OTOGL: variants seen among roughly 807,000 people sequenced by gnomAD.
OTOGL encodes otogelin like, also known as otogelin-like protein.
In OTOGL, 285 loss-of-function variants were observed where a neutral mutation model predicts 318.5. The ratio of observed to expected loss-of-function variants is 0.89; its 90% confidence interval spans 0.81 to 0.99. OTOGL has a LOEUF of 0.99. Ranked by LOEUF, OTOGL falls within the 50% of genes least tolerant of loss-of-function variation. The probability of loss-of-function intolerance (pLI) is 0.00; values close to 1 mark genes in which losing one functional copy is unlikely to be tolerated. For synonymous variants in OTOGL, 987 were observed against 936.5 expected (o/e 1.05, Z -0.99); for missense variants, 2,899 against 2,845.6 (o/e 1.02, Z -0.43).
intron 1 of OTOGL, among the ~76,000 whole-genome samples, chr12:80,188,541 A>AT (rs1565893167): frequency 1.3e-5 from 2 of 149,384 alleles, no homozygotes; most frequent in African/African-American, 4.9e-5. Context: ...CTGTCTCAAA[A>AT]AAAAAATAAT....
chr12:80,153,319 A>T (rs1872906286), intron 1 of OTOGL, among the ~76,000 whole-genome samples: 2 of 152,112 alleles, frequency 1.3e-5, no homozygotes, highest in Non-Finnish European at 1.5e-5. Context: ...TCTCTTTTAT[A>T]AGGGCATTAA....
intron 38 of OTOGL, among the ~76,000 whole-genome samples, chr12:80,333,445 T>C (rs546727159): frequency 6.6e-6 from 1 of 151,944 alleles, no homozygotes; most frequent in African/African-American, 2.4e-5. Flanking sequence ...AAGATAAAAG[T>C]CATTGTCTCC....
At chr12:80,149,801 G>A (rs891376227) in intron 1 of OTOGL, among the ~76,000 whole-genome samples, 5 of 152,222 alleles carry the variant, frequency 3.3e-5, no homozygotes, top group African/African-American at 4.8e-5. Flanking sequence ...TCGGAAAAGC[G>A]CAGTATTCGG....
At chr12:80,231,746 T>G (rs1443659144) in intron 8 of OTOGL, among the ~76,000 whole-genome samples, 1 of 151,982 alleles carries the variant, frequency 6.6e-6, no homozygotes, top group African/African-American at 2.4e-5. Context: ...GCGATTCTCC[T>G]GCCTCAGCCT....
chr12:80,356,640 C>T (rs1214837807), intron 48 of OTOGL, 120 bp downstream of exon 48: 1 of 860,258 alleles, frequency 1.2e-6, no homozygotes, highest in Non-Finnish European at 1.7e-6. Flanking sequence ...GCGGACTTGT[C>T]TTGCTAATTT....
intron 52 of OTOGL, among the ~76,000 whole-genome samples, chr12:80,363,349 A>G (rs1264585702): frequency 1.3e-5 from 2 of 152,060 alleles, no homozygotes; most frequent in African/African-American, 4.8e-5. Context: ...TTTGAGGGAG[A>G]TGTTTCTATT....
intron 1 of OTOGL, among the ~76,000 whole-genome samples, chr12:80,153,939 A>G (rs1038129653): frequency 5.3e-4 from 81 of 152,186 alleles, no homozygotes; most frequent in African/African-American, 1.9e-3. Context: ...ACCAGGCTTG[A>G]AGAATCTGTA....
Position 80,271,675 on chromosome 12 carries a change from A to G in OTOGL, c.2546A>G (p.Tyr849Cys), listed in dbSNP as rs768989614. The G allele has an allele frequency of 6.2e-7, 1 of 1,612,838 alleles. No homozygotes were observed. Among genetic ancestry groups the G allele is most frequent in the Non-Finnish European group, 8.5e-7 (1 of 1,179,368 alleles). Residue 849 changes from tyrosine to cysteine, a missense_variant, in exon 24 of 59, where the codon TAT becomes TGT. Tyr to Cys is a radical substitution (Grantham distance 194, BLOSUM62 -2). Coordinates refer to ENST00000547103, the MANE Select transcript of OTOGL (RefSeq NM_001378609.3). ...CACATCTGCCCAGAGGGAAAAGAGTATTTCGACTGCAGGTTTCCTGACCCT... is the reference window on the plus strand; with the variant it reads ...CACATCTGCCCAGAGGGAAAAGAGTGTTTCGACTGCAGGTTTCCTGACCCT... ...AVHICPEGKE[Y>C]FDCRFPDPEL...
rs368615661 is a variant in OTOGL at position 80,217,615 on chromosome 12, G to A, written c.186G>A (p.Pro62=). 41 of 1,549,180 alleles carry A rather than the reference G, an allele frequency of 2.6e-5. No individual in the cohort carries two copies. The highest frequency in any genetic ancestry group is 3.2e-5 in the Non-Finnish European group (37 of 1,144,622). The change falls in exon 5 of 59, where the codon CCG becomes CCA. Residue 62 remains proline, a synonymous_variant. Coordinates refer to ENST00000547103, the MANE Select transcript of OTOGL (RefSeq NM_001378609.3). ...LLAAQFEATS[P]RYFFHDAINW... is the part of the protein sequence containing the mutation. ...TTTCAAAGTTTGAAGCTACTTCTCC[G>A]AGATACTTTTTCCATGATGCTATTA...
At chr12:80,266,659 T>A in intron 21 of OTOGL, 43 bp downstream of exon 21, 1 of 1,554,008 alleles carries the variant, frequency 6.4e-7, no homozygotes, top group Non-Finnish European at 8.8e-7. Flanking sequence ...TTTTAATCTC[T>A]TTTTCTCCTT....
In OTOGL at chr12:80,251,751, C is replaced by A; in HGVS notation, c.1111C>A (p.His371Asn). ...CACTGAGTATGCTAGAGCCTGCTCT[C>A]ATGCTGGCTACCCTATTCAAGACTG... Reference protein sequence around the residue: ...AATEYARACSHAGYPIQDWRD... With the variant: ...AATEYARACSNAGYPIQDWRD... The change falls in exon 12 of 59, where the codon CAT becomes AAT. Residue 371 changes from histidine to asparagine, a missense_variant. This residue lies in a region of OTOGL where 2,607 missense variants were observed against 2,524.9 expected (regional missense o/e 1.03). Coordinates refer to ENST00000547103, the MANE Select transcript of OTOGL (RefSeq NM_001378609.3). 1 of 1,593,512 alleles carries A rather than the reference C, an allele frequency of 6.3e-7. No homozygotes were observed. The highest frequency in any genetic ancestry group is 2.3e-5 in the East Asian group (1 of 44,376).
In OTOGL at chr12:80,329,057, C is replaced by A; in HGVS notation, c.4286C>A (p.Pro1429His). The part of the protein sequence containing the change: ...LKCVYPRDCI[P>H]VIPTEPTLMP... ...CACCTTTGTTTCTTTGTAGGTATAC[C>A]TGTGATTCCCACAGAACCAACATTA... The change falls in exon 37 of 59, where the codon CCT becomes CAT. Residue 1429 changes from proline (P) to histidine (H), a missense_variant. By Grantham distance (77) the Pro-to-His change is moderately conservative. This residue lies in a region of OTOGL where 2,607 missense variants were observed against 2,524.9 expected (regional missense o/e 1.03). Coordinates refer to ENST00000547103, the MANE Select transcript of OTOGL (RefSeq NM_001378609.3). 6.3e-7 allele frequency: 1 copy of A among 1,581,810 alleles called. No homozygotes were observed. The highest frequency in any genetic ancestry group is 8.6e-7 in the Non-Finnish European group (1 of 1,169,442).
At chr12:80,219,793 T>C in intron 5 of OTOGL, 21 bp from the exon 6 acceptor site, 1 of 1,417,064 alleles carries the variant, frequency 7.1e-7, no homozygotes, top group Non-Finnish European at 9.7e-7. Flanking sequence ...AAGATAACTT[T>C]TTTTTTTTTT....
Position 80,356,028 on chromosome 12 carries a change from A to T in OTOGL, c.5806+80A>T. 11 of 1,413,668 alleles carry T rather than the reference A, an allele frequency of 7.8e-6. 1 individual carries two copies. In the Middle Eastern group the frequency reaches 6.2e-4, roughly 80 times the overall value. The allele number at this position is 1,413,668 out of a possible 1,614,324, so 87.6% of individuals were successfully genotyped here. ...TTTGTGAAAAAGCAGAGCATATATA[A>T]TGCTTTGTATTTTTAAAAAAGGGCC... On this transcript the variant is annotated intron_variant, in intron 47 of 58. Coordinates refer to ENST00000547103, the MANE Select transcript of OTOGL (RefSeq NM_001378609.3).
At chr12:80,236,821 TTTTTTTTG>T (rs935904948) in intron 9 of OTOGL, among the ~76,000 whole-genome samples, 2 of 148,930 alleles carry the variant, frequency 1.3e-5, no homozygotes, top group African/African-American at 4.9e-5. Context: ...CTTTTCTTTT[TTTTTTTTG>T]TTTGAGACAG....
intron 1 of OTOGL, among the ~76,000 whole-genome samples, chr12:80,186,831 T>C (rs774538981): frequency 1.3e-5 from 2 of 152,138 alleles, no homozygotes; most frequent in Non-Finnish European, 2.9e-5. Flanking sequence ...CATGGAGTGC[T>C]GCCCTCTTTT....
chr12:80,238,307 C>T (rs1327204219), intron 9 of OTOGL, among the ~76,000 whole-genome samples: 1 of 152,166 alleles, frequency 6.6e-6, no homozygotes, highest in African/African-American at 2.4e-5. Flanking sequence ...GTCTTCTCTT[C>T]TATTGATGTG....
intron 1 of OTOGL, among the ~76,000 whole-genome samples, chr12:80,148,957 A>C (rs1872587384): frequency 6.6e-6 from 1 of 151,928 alleles, no homozygotes; most frequent in South Asian, 2.1e-4. Context: ...ACATTATTCT[A>C]ATTTTTTTTC....
At chr12:80,272,608 A>C (rs1488736527) in intron 24 of OTOGL, among the ~76,000 whole-genome samples, 1 of 152,024 alleles carries the variant, frequency 6.6e-6, no homozygotes, top group African/African-American at 2.4e-5. Context: ...ATCTAAGGCA[A>C]ACAGGTCACC....
Sources: allele counts gnomAD v4.1 joint callset (sites outside exome capture counted in the v4.1 genomes callset), GRCh38; gene constraint gnomAD v4.1.1; regional missense constraint gnomAD v4.1.1; transcripts MANE v1.5; gene names NCBI Gene and HGNC (gene_info 2026-07-23, HGNC 2026-07-21).